Variants in AGT observed in about 807,000 individuals in gnomAD.
The protein encoded by AGT is alpha-1 antiproteinase, antitrypsin.
In AGT, 26 loss-of-function variants were observed where a neutral mutation model predicts 28.1. The observed-to-expected ratio is 0.92, with a 90% CI of 0.68 to 1.28. AGT has a LOEUF of 1.28. Among genes scored for constraint, AGT ranks in the 50% most tolerant of loss-of-function variants. The pLI is 0.00. For missense variants in AGT, 596 were observed against 592.3 expected (o/e 1.01, Z -0.06); for synonymous variants, 259 against 259.6 (o/e 1.00, Z 0.02).
intron 4 of AGT, among the ~76,000 whole-genome samples, chr1:230,703,894 C>T (rs1281419204): frequency 3.3e-5 from 5 of 152,300 alleles, no homozygotes; most frequent in African/African-American, 9.6e-5. Context: ...GTCTTCATCC[C>T]GGTTTCAACT....
chr1:230,742,347 G>T (rs189815694), intron 1 of AGT, among the ~76,000 whole-genome samples: 15 of 152,008 alleles, frequency 9.9e-5, no homozygotes, highest in Non-Finnish European at 5.9e-5. Flanking sequence ...ACAGAGTCTC[G>T]CACTGTCACC....
chr1:230,707,917 C>G (rs1663442080), intron 2 of AGT, among the ~76,000 whole-genome samples: 1 of 152,192 alleles, frequency 6.6e-6, no homozygotes, highest in African/African-American at 2.4e-5. Context: ...CTCAGGAGCA[C>G]AGCAAGCACT....
intron 1 of AGT, among the ~76,000 whole-genome samples, chr1:230,737,993 T>A (rs2102806515): frequency 6.6e-6 from 1 of 152,256 alleles, no homozygotes; most frequent in Non-Finnish European, 1.5e-5. Flanking sequence ...GTTAGCGTAA[T>A]GTTTTCAAGG....
intron 1 of AGT, among the ~76,000 whole-genome samples, chr1:230,735,139 T>C (rs1401825565): frequency 6.6e-6 from 1 of 152,144 alleles, no homozygotes; most frequent in African/African-American, 2.4e-5. Context: ...CCCGCCCTCC[T>C]GCAGGAGAAC....
intron 1 of AGT, among the ~76,000 whole-genome samples, chr1:230,733,917 A>G (rs769980954): frequency 3.3e-5 from 5 of 151,918 alleles, no homozygotes; most frequent in Non-Finnish European, 5.9e-5. Context: ...AGGGACCACT[A>G]CCCAAGAGGC....
At position 230,710,382 on chromosome 1, in the gene AGT, T is replaced by G; in HGVS notation, c.442A>C (p.Arg148=). ...YLGALDHTAD[R]LQAILGVPWK... ...GGAACACCCAGGATTGCCTGTAGCC[T>G]GTCAGCTGTGTGGTCCAAGGCTCCC... Residue 148 remains arginine, a synonymous_variant, in exon 2 of 5, where the codon AGG becomes CGG. Coordinates refer to ENST00000366667, the MANE Select transcript of AGT (RefSeq NM_001384479.1). The G allele has an allele frequency of 6.2e-7, 1 of 1,614,174 alleles. No individual in the cohort carries two copies. The highest frequency in any genetic ancestry group is 8.5e-7 in the Non-Finnish European group (1 of 1,180,020).
chr1:230,707,522 C>T (rs140895001), intron 2 of AGT, among the ~76,000 whole-genome samples: 1 of 152,078 alleles, frequency 6.6e-6, no homozygotes. Flanking sequence ...CCCCTGGGTC[C>T]GGGTCTCGTA....
rs777960151 is a variant in AGT, at chr1:230,710,469, C to T, written c.355G>A (p.Val119Ile). The change falls in exon 2 of 5, where the codon GTC (valine) becomes ATC (isoleucine). Residue 119 changes from valine (V) to isoleucine (I), a missense_variant. Coordinates refer to ENST00000366667, the MANE Select transcript of AGT (RefSeq NM_001384479.1). ...YGMHSELWGVVHGATVLSPTA... is the reference protein window; with the variant it reads ...YGMHSELWGVIHGATVLSPTA... The stretch of plus-strand genomic sequence containing the variant: ...GGGGAGAGGACGGTGGCCCCATGGA[C>T]CACGCCCCATAGCTCACTGTGCATG... 1 of 1,614,200 alleles carries T rather than the reference C, an allele frequency of 6.2e-7. No homozygotes were observed. Among genetic ancestry groups the T allele is most frequent in the South Asian group, 1.1e-5 (1 of 91,078 alleles).
chr1:230,742,811 A>G lies in AGT; in HGVS notation c.-31+2704T>C, dbSNP rs992138042. On this transcript the variant is annotated intron_variant, in intron 1 of 4. Coordinates refer to the AGT transcript ENST00000681269. Reference sequence around the variant, plus strand: ...TTAATGTAAACAATGCCACCATGAAATGAGCAAGCTGGTATACCTTTCACT... The same window carrying G: ...TTAATGTAAACAATGCCACCATGAAGTGAGCAAGCTGGTATACCTTTCACT... 3.3e-5 allele frequency among the ~76,000 whole-genome samples: 5 copies of G among 152,206 alleles called. No individual in the cohort carries two copies. The South Asian group carries it at 8.3e-4, about 25-fold the overall frequency.
chr1:230,704,407 G>A, intron 3 of AGT, 70 bp from the exon 4 acceptor site: 1 of 1,575,376 alleles, frequency 6.3e-7, no homozygotes, highest in Non-Finnish European at 8.7e-7. Context: ...GGCCAGGCAG[G>A]CTTATGCTCC....
intron 1 of AGT, among the ~76,000 whole-genome samples, chr1:230,720,384 T>A (rs1477345784): frequency 2.0e-5 from 3 of 152,222 alleles, no homozygotes; most frequent in Non-Finnish European, 2.9e-5. Flanking sequence ...TGTTGGAGGC[T>A]GACTACAACC....
intron 1 of AGT, among the ~76,000 whole-genome samples, chr1:230,720,731 C>CT (rs1022883368): frequency 3.3e-5 from 5 of 152,142 alleles, no homozygotes; most frequent in African/African-American, 1.2e-4. Flanking sequence ...TTGCTTTAAC[C>CT]TTTTTTGCAT....
At chr1:230,721,279 C>A (rs1012268384) in intron 1 of AGT, among the ~76,000 whole-genome samples, 1 of 152,124 alleles carries the variant, frequency 6.6e-6, no homozygotes, top group Non-Finnish European at 1.5e-5. Flanking sequence ...TGTCTGGAGA[C>A]AAAACAGCCA....
intron 1 of AGT, among the ~76,000 whole-genome samples, chr1:230,712,836 T>G (rs953291370): frequency 1.3e-5 from 2 of 152,152 alleles, no homozygotes; most frequent in Non-Finnish European, 2.9e-5. Context: ...GTGGCGGGCC[T>G]GACACCCTCG....
intron 1 of AGT, among the ~76,000 whole-genome samples, chr1:230,726,553 AGGGCTCTAT>A (rs531952670): frequency 5.9e-5 from 9 of 152,198 alleles, no homozygotes; most frequent in African/African-American, 2.2e-4. Context: ...AAGGTGGGAG[AGGGCTCTAT>A]TTGGCTTGCA....
intron 1 of AGT, among the ~76,000 whole-genome samples, chr1:230,712,800 C>T (rs1375743822): frequency 1.3e-5 from 2 of 152,312 alleles, no homozygotes; most frequent in East Asian, 1.9e-4. Context: ...CACGCAGCCG[C>T]GTCCTGGGAG....
rs753554545 is a variant in AGT at position 230,710,230 on chromosome 1, C to T, written c.594G>A (p.Thr198=). Residue 198 remains threonine, a synonymous_variant, in exon 2 of 5, where the codon ACG becomes ACA. Coordinates refer to ENST00000366667, the MANE Select transcript of AGT (RefSeq NM_001384479.1). ...ADSQAQLLLS[T]VVGVFTAPGL... The stretch of plus-strand genomic sequence containing the variant: ...CTGGGGCTGTGAACACGCCCACCAC[C>T]GTGGACAGCAGCAGCTGGGCCTGGC... 3.2e-5 allele frequency: 52 copies of T among 1,613,558 alleles called. No individual in the cohort carries two copies. Among genetic ancestry groups the T allele is most frequent in the Non-Finnish European group, 3.9e-5 (46 of 1,180,000 alleles).
Position 230,709,170 on chromosome 1 carries a change from C to T in AGT, c.829+825G>A, listed in dbSNP as rs1034491911. ...CATTTGCCCATTGACCTTTAAAAGC[C>T]TGGAGGCAGGGCCTATACAGCCCTC... is the stretch of plus-strand genomic sequence containing the variant. On this transcript the variant is annotated intron_variant, in intron 2 of 4. Coordinates refer to ENST00000366667, the MANE Select transcript of AGT (RefSeq NM_001384479.1). Among the ~76,000 whole-genome samples the T allele has an allele frequency of 1.2e-4, 18 of 152,368 alleles. 1 individual carries two copies. The South Asian group carries it at 2.1e-3, about 18-fold the overall frequency.
rs1173238921 is a variant in AGT at position 230,710,444 on chromosome 1, G to A, written c.380C>T (p.Pro127Leu). 4.3e-6 allele frequency: 7 copies of A among 1,614,124 alleles called. No homozygotes were observed. The Admixed American group carries it at 6.7e-5, about 15-fold the overall frequency. Reference sequence around the variant, plus strand: ...GGCCAGGGTGCCAAAGACAGCCGTTGGGGAGAGGACGGTGGCCCCATGGAC... The same window carrying A: ...GGCCAGGGTGCCAAAGACAGCCGTTAGGGAGAGGACGGTGGCCCCATGGAC... ...GVVHGATVLS[P>L]TAVFGTLASL... Residue 127 changes from proline to leucine, a missense_variant, in exon 2 of 5, where the codon CCA becomes CTA. By Grantham distance (98) the Pro-to-Leu change is moderately conservative. Coordinates refer to ENST00000366667, the MANE Select transcript of AGT (RefSeq NM_001384479.1).
Sources: allele counts gnomAD v4.1 joint callset (sites outside exome capture counted in the v4.1 genomes callset), GRCh38; gene constraint gnomAD v4.1.1; transcripts MANE v1.5; gene names NCBI Gene and HGNC (gene_info 2026-07-23, HGNC 2026-07-21).